The following HIPK2 variants were observed in gnomAD, a reference collection of about 807,000 sequenced individuals.
HIPK2 encodes homeodomain-interacting protein kinase 2.
Under a neutral mutation model 113.7 loss-of-function variants are expected in HIPK2, and 27 were observed. That is an observed-to-expected ratio of 0.24 (90% CI 0.17 to 0.33). HIPK2 has a LOEUF of 0.33. HIPK2 is among the 10% of genes least tolerant of loss of function. The pLI is 1.00. For missense variants in HIPK2, 1,257 were observed against 1,588.0 expected, an observed-to-expected ratio of 0.79 and a Z score of 3.54; for synonymous variants, 631 against 642.2, an observed-to-expected ratio of 0.98 and a Z score of 0.26.
At chr7:139,579,136 G>T (rs865881320) in intron 13 of HIPK2, among the ~76,000 whole-genome samples, 7 of 152,330 alleles carry the variant, frequency 4.6e-5, no homozygotes, top group African/African-American at 1.7e-4. Flanking sequence ...CCAAAATGCG[G>T]TGCTATTGTT....
At chr7:139,582,153 A>G (rs968650600) in intron 13 of HIPK2, among the ~76,000 whole-genome samples, 1 of 152,200 alleles carries the variant, frequency 6.6e-6, no homozygotes, top group East Asian at 1.9e-4. Context: ...GTTTTTGGAG[A>G]GAGATGTCCT....
intron 2 of HIPK2, among the ~76,000 whole-genome samples, chr7:139,659,597 C>T (rs1801798167): frequency 6.6e-6 from 1 of 152,224 alleles, no homozygotes; most frequent in African/African-American, 2.4e-5. Context: ...TGTTGCTATC[C>T]TATAGTCTCT....
intron 1 of HIPK2, among the ~76,000 whole-genome samples, chr7:139,762,614 C>T (rs922560704): frequency 1.3e-5 from 2 of 152,218 alleles, no homozygotes; most frequent in African/African-American, 4.8e-5. Flanking sequence ...TTTTAATCAT[C>T]ACTGTCAATT....
Position 139,571,585 on chromosome 7 carries a change from C to T in HIPK2, c.*1342G>A, listed in dbSNP as rs1798281890. 6.6e-6 allele frequency: 1 copy of T among 152,188 alleles called. No homozygotes were observed. Among genetic ancestry groups the T allele is most frequent in the Admixed American group, 6.5e-5 (1 of 15,280 alleles). 9.4% of individuals were successfully genotyped at this position (152,188 alleles called of 1,614,324 possible). On this transcript the variant is annotated 3_prime_UTR_variant, in exon 15 of 15. Transcript: ENST00000406875. ...TCCACGGACTCTCTCCTAGCTCCTG[C>T]TGGCTTCCCTGGCATCCTTCCGCTA...
chr7:139,646,085 CT>C (rs1361250293), intron 2 of HIPK2, among the ~76,000 whole-genome samples: 1 of 152,204 alleles, frequency 6.6e-6, no homozygotes, highest in Non-Finnish European at 1.5e-5. Flanking sequence ...ACTAAGCTGG[CT>C]CTTTACACCT....
intron 2 of HIPK2, among the ~76,000 whole-genome samples, chr7:139,699,066 C>T (rs957183178): frequency 2.3e-4 from 35 of 152,178 alleles, no homozygotes; most frequent in African/African-American, 6.5e-4. Flanking sequence ...ACAGCTGCCA[C>T]GATCCGAACA....
intron 11 of HIPK2, among the ~76,000 whole-genome samples, chr7:139,599,914 A>T (rs1185439994): frequency 6.6e-6 from 1 of 152,144 alleles, no homozygotes; most frequent in Non-Finnish European, 1.5e-5. Context: ...TTGCTAAGTC[A>T]GTTTAGCAAG....
intron 2 of HIPK2, among the ~76,000 whole-genome samples, chr7:139,671,132 A>G (rs1024055755): frequency 1.3e-5 from 2 of 152,096 alleles, no homozygotes; most frequent in African/African-American, 4.8e-5. Context: ...AACACTTTAA[A>G]ACTCCACAAC....
intron 12 of HIPK2, 144 bp from the exon 13 acceptor site, chr7:139,584,208 G>A (rs1798762183): frequency 8.8e-7 from 1 of 1,132,080 alleles, no homozygotes; most frequent in African/African-American, 1.6e-5. Flanking sequence ...CCCCCATAGG[G>A]AGACTGGGCA....
chr7:139,686,984 T>C (rs1254511049), intron 2 of HIPK2, among the ~76,000 whole-genome samples: 1 of 152,198 alleles, frequency 6.6e-6, no homozygotes, highest in Non-Finnish European at 1.5e-5. Context: ...GCATCCACCA[T>C]CCTGATCAGT....
intron 2 of HIPK2, among the ~76,000 whole-genome samples, chr7:139,684,370 C>T (rs1794154389): frequency 6.6e-6 from 1 of 152,170 alleles, no homozygotes; most frequent in Non-Finnish European, 1.5e-5. Flanking sequence ...GCATGTCTCT[C>T]ATTTTAAATC....
intron 2 of HIPK2, among the ~76,000 whole-genome samples, chr7:139,637,217 C>T (rs1800843081): frequency 2.0e-5 from 3 of 152,198 alleles, no homozygotes; most frequent in Admixed American, 1.3e-4. Context: ...GTGCCCACTT[C>T]CTCCATGGCA....
intron 2 of HIPK2, among the ~76,000 whole-genome samples, chr7:139,693,732 A>C (rs1342618220): frequency 3.3e-5 from 5 of 152,236 alleles, no homozygotes; most frequent in African/African-American, 9.6e-5. Flanking sequence ...AAAAAAAAAA[A>C]AAACATTTTA....
At chr7:139,617,923 G>A (rs903287815) in intron 7 of HIPK2, among the ~76,000 whole-genome samples, 25 of 152,236 alleles carry the variant, frequency 1.6e-4, no homozygotes, top group Non-Finnish European at 3.1e-4. Flanking sequence ...GCAATGAACA[G>A]AAGAAGTCTT....
intron 12 of HIPK2, among the ~76,000 whole-genome samples, chr7:139,591,376 C>A (rs901156094): frequency 6.6e-6 from 1 of 152,206 alleles, no homozygotes; most frequent in East Asian, 1.9e-4. Context: ...GAAGTCCAGT[C>A]TCTCTCTTCC....
rs776135107 is a variant in HIPK2, at chr7:139,716,130, C to T, written c.905G>A (p.Arg302His). 6.8e-6 allele frequency: 11 copies of T among 1,613,850 alleles called. No individual in the cohort carries two copies. The highest frequency in any genetic ancestry group is 8.5e-6 in the Non-Finnish European group (10 of 1,179,930). Reference protein sequence around the residue: ...KFSPLPLKYIRPVLQQVATAL... With the variant: ...KFSPLPLKYIHPVLQQVATAL... The stretch of plus-strand genomic sequence containing the variant: ...TGTGGCTACCTGCTGGAGAACTGGG[C>T]GAATGTATTTGAGGGGCAAGGGGCT... The change falls in exon 2 of 15, where the codon CGC (arginine) becomes CAC (histidine). Residue 302 changes from arginine to histidine, a missense_variant. This residue lies in a region of HIPK2 where 24 missense variants were observed against 18.1 expected (regional missense o/e 1.33). Transcript: ENST00000406875. The surrounding 1 kb of genome is among the most constrained non-coding windows in gnomAD (Gnocchi z 9.3).
chr7:139,632,325 C>G (rs1470386731), intron 2 of HIPK2, among the ~76,000 whole-genome samples: 1 of 152,206 alleles, frequency 6.6e-6, no homozygotes, highest in East Asian at 1.9e-4. Context: ...TCGAGGTATT[C>G]TATCTTCAGG....
chr7:139,749,131 G>C (rs529350323), intron 1 of HIPK2, among the ~76,000 whole-genome samples: 19 of 152,240 alleles, frequency 1.2e-4, no homozygotes, highest in Non-Finnish European at 2.4e-4. Context: ...TTCTTTTACA[G>C]GGATGTTCTC....
At chr7:139,637,669 G>C (rs985613516) in intron 2 of HIPK2, among the ~76,000 whole-genome samples, 1 of 152,186 alleles carries the variant, frequency 6.6e-6, no homozygotes, top group African/African-American at 2.4e-5. Flanking sequence ...AAGTCTATGA[G>C]GGCAGCGCAG....
Sources: gnomAD v4.1 joint callset for allele counts (sites outside exome capture counted in the v4.1 genomes callset) on GRCh38, gnomAD v4.1.1 for gene constraint, gnomAD v4.1.1 regional missense constraint, Gnocchi (gnomAD v3.1) non-coding constraint, MANE v1.5 for transcripts, NCBI Gene and HGNC (gene_info 2026-07-23, HGNC 2026-07-21) for gene names.